Variants in PTPRD observed in about 807,000 individuals in gnomAD.
PTPRD encodes the protein protein tyrosine phosphatase receptor type D, also known as receptor-type tyrosine-protein phosphatase delta.
In PTPRD, 34 loss-of-function variants were observed where a neutral mutation model predicts 214.5. The observed-to-expected ratio is 0.16, with a 90% CI of 0.12 to 0.21. PTPRD has a LOEUF of 0.21. PTPRD is among the 10% of genes least tolerant of loss of function. The probability of loss-of-function intolerance (pLI) is 1.00; values close to 1 mark genes in which losing one functional copy is unlikely to be tolerated. For missense variants in PTPRD, 2,545 were observed against 2,398.7 expected, an observed-to-expected ratio of 1.06 and a Z score of -1.27; for synonymous variants, 1,128 against 845.7, an observed-to-expected ratio of 1.33 and a Z score of -5.79.
chr9:9,449,759 TG>T (rs1380506997), intron 8 of PTPRD, among the ~76,000 whole-genome samples: 4 of 152,006 alleles, frequency 2.6e-5, no homozygotes, highest in African/African-American at 9.6e-5. Flanking sequence ...TCAATAGTTT[TG>T]GGGGTACAAG....
At chr9:8,842,229 T>C (rs540083467) in intron 11 of PTPRD, among the ~76,000 whole-genome samples, 16 of 152,234 alleles carry the variant, frequency 1.1e-4, no homozygotes, top group African/African-American at 3.1e-4. Context: ...GAAAGGCATT[T>C]GGAAACAATT....
At chr9:9,591,948 T>C (rs1357401211) in intron 7 of PTPRD, among the ~76,000 whole-genome samples, 1 of 152,014 alleles carries the variant, frequency 6.6e-6, no homozygotes, top group African/African-American at 2.4e-5. Context: ...CAATCACCGG[T>C]CTCTCTCCAT....
intron 8 of PTPRD, among the ~76,000 whole-genome samples, chr9:9,550,389 C>A (rs58823963): frequency 0.22 from 32,280 of 144,666 alleles, 3,764 homozygotes; most frequent in Non-Finnish European, 0.24. Context: ...AGTTCTCTCT[C>A]TATATATATG....
intron 39 of PTPRD, among the ~76,000 whole-genome samples, chr9:8,347,036 C>A (rs1269142834): frequency 6.6e-6 from 1 of 151,964 alleles, no homozygotes; most frequent in African/African-American, 2.4e-5. Flanking sequence ...GAGCTTGGTA[C>A]TCTCTGGGGA....
intron 2 of PTPRD, among the ~76,000 whole-genome samples, chr9:10,470,514 T>C (rs1264238663): frequency 6.6e-6 from 1 of 152,152 alleles, no homozygotes; most frequent in Admixed American, 6.6e-5. Context: ...GTATGAAGAC[T>C]TCCAGGGAAA....
chr9:8,864,648 G>A (rs1349073396), intron 11 of PTPRD, among the ~76,000 whole-genome samples: 2 of 152,142 alleles, frequency 1.3e-5, no homozygotes, highest in African/African-American at 2.4e-5. Flanking sequence ...TGATTTTCAC[G>A]TTGCAGGGAG....
intron 2 of PTPRD, among the ~76,000 whole-genome samples, chr9:10,504,202 T>C (rs2045088178): frequency 6.9e-6 from 1 of 145,348 alleles, no homozygotes; most frequent in South Asian, 2.4e-4. Flanking sequence ...AGGCGGTAAC[T>C]ATTGCTGTAA....
intron 11 of PTPRD, among the ~76,000 whole-genome samples, chr9:8,779,497 A>T (rs2095611073): frequency 1.3e-5 from 2 of 152,242 alleles, no homozygotes; most frequent in South Asian, 4.2e-4. Context: ...TCCAATTATT[A>T]GAAAGAATGT....
intron 10 of PTPRD, among the ~76,000 whole-genome samples, chr9:9,056,498 C>T (rs897903358): frequency 2.0e-5 from 3 of 152,226 alleles, no homozygotes; most frequent in African/African-American, 7.2e-5. Context: ...GAATGATTAG[C>T]ATGGTCATTC....
intron 14 of PTPRD, among the ~76,000 whole-genome samples, chr9:8,573,664 A>G (rs907857908): frequency 1.3e-5 from 2 of 151,916 alleles, no homozygotes; most frequent in Non-Finnish European, 2.9e-5. Context: ...TCCTCTCCCT[A>G]TAACATAAAA....
At chr9:10,437,246 A>T (rs182215869) in intron 2 of PTPRD, among the ~76,000 whole-genome samples, 2 of 151,994 alleles carry the variant, frequency 1.3e-5, no homozygotes, top group Admixed American at 1.3e-4. Context: ...AACAGAAAGC[A>T]CTATTTAGAA....
chr9:9,546,053 A>G (rs2078724807), intron 8 of PTPRD, among the ~76,000 whole-genome samples: 1 of 151,700 alleles, frequency 6.6e-6, no homozygotes, highest in Admixed American at 6.6e-5. Context: ...GCCAATATAC[A>G]TGGTATTGTG....
At chr9:8,378,963 A>G (rs1156794) in intron 37 of PTPRD, among the ~76,000 whole-genome samples, 52,921 of 151,836 alleles carry the variant, frequency 0.35, 11,244 homozygotes, top group African/African-American at 0.56. Flanking sequence ...TCAAACTGCA[A>G]CTATTATTGG....
chr9:10,391,420 T>C (rs1284223780), intron 2 of PTPRD, among the ~76,000 whole-genome samples: 12 of 151,768 alleles, frequency 7.9e-5, no homozygotes, highest in Admixed American at 4.6e-4. Context: ...GAATAGCCTG[T>C]TGAGCATGGT....
chr9:10,315,697 C>G (rs1016892897), intron 3 of PTPRD, among the ~76,000 whole-genome samples: 2 of 151,812 alleles, frequency 1.3e-5, no homozygotes, highest in Non-Finnish European at 2.9e-5. Context: ...TAAAACATAC[C>G]TTGCTCCATT....
chr9:10,374,623 T>C (rs1251867762), intron 2 of PTPRD, among the ~76,000 whole-genome samples: 1 of 152,020 alleles, frequency 6.6e-6, no homozygotes, highest in Non-Finnish European at 1.5e-5. Context: ...ACGTTTAGTG[T>C]CCTCTCCCTT....
intron 9 of PTPRD, among the ~76,000 whole-genome samples, chr9:9,238,056 T>C (rs1339916821): frequency 1.3e-5 from 2 of 152,090 alleles, no homozygotes; most frequent in Non-Finnish European, 2.9e-5. Flanking sequence ...ACAAGATTAC[T>C]AATAGGAAGC....
At chr9:9,016,499 C>A (rs979231787) in intron 11 of PTPRD, among the ~76,000 whole-genome samples, 2 of 152,054 alleles carry the variant, frequency 1.3e-5, no homozygotes, top group African/African-American at 4.8e-5. Flanking sequence ...GTAAAACAAA[C>A]CAGCCTAGTA....
intron 4 of PTPRD, among the ~76,000 whole-genome samples, chr9:9,968,649 G>T (rs1746981412): frequency 6.6e-6 from 1 of 152,058 alleles, no homozygotes; most frequent in Admixed American, 6.5e-5. Context: ...CAAGTTGTCA[G>T]TTCCTTTCTT....
Sources: gnomAD v4.1 joint callset for allele counts (sites outside exome capture counted in the v4.1 genomes callset) on GRCh38, gnomAD v4.1.1 for gene constraint, MANE v1.5 for transcripts, NCBI Gene and HGNC (gene_info 2026-07-23, HGNC 2026-07-21) for gene names.